The following B3GALNT2 variants were observed in gnomAD, a reference collection of about 807,000 sequenced individuals.
The protein encoded by B3GALNT2 is beta-1,3-N-acetylgalactosaminyltransferase 2.
A neutral mutation model predicts 61.1 loss-of-function variants in B3GALNT2; 53 were observed. That is an observed-to-expected ratio of 0.87 (90% CI 0.70 to 1.09). B3GALNT2 has a LOEUF of 1.09. B3GALNT2 is among the 50% of genes least tolerant of loss of function. B3GALNT2 has a pLI of 0.00. For missense variants in B3GALNT2, 544 were observed against 623.0 expected, an observed-to-expected ratio of 0.87 and a Z score of 1.35; for synonymous variants, 223 against 237.4, an observed-to-expected ratio of 0.94 and a Z score of 0.56.
Position 235,471,063 on chromosome 1 carries a change from G to A in B3GALNT2, c.652-103C>T, listed in dbSNP as rs890456969. 3.6e-5 allele frequency: 55 copies of A among 1,524,988 alleles called. 2 individuals are homozygous for A. The South Asian group carries it at 4.4e-4, about 12-fold the overall frequency. 94.5% of individuals were successfully genotyped at this position (1,524,988 alleles called of 1,614,324 possible). A position where few individuals can be genotyped will look rare whatever the true frequency, so the allele number is the denominator to read the frequency against. On this transcript the variant is annotated intron_variant, in intron 5 of 11. Coordinates refer to ENST00000366600, the MANE Select transcript of B3GALNT2 (RefSeq NM_152490.5). ...TTTTAGAGAAAATTTTTCCCAAAAC[G>A]TATCATTTAAAATTTTCACCCCATA...
At chr1:235,497,093 T>A (rs1225283690) in intron 1 of B3GALNT2, among the ~76,000 whole-genome samples, 1 of 152,228 alleles carries the variant, frequency 6.6e-6, no homozygotes, top group East Asian at 1.9e-4. Flanking sequence ...CAATTTTTTT[T>A]AACTCATAGC....
the B3GALNT2 span, chr1:235,441,791 A>G: frequency 6.8e-6 from 11 of 1,610,470 alleles, no homozygotes; most frequent in South Asian, 1.1e-4. Flanking sequence ...TTTATCATTC[A>G]TCTCTTTTGC....
At chr1:235,457,825 C>T (rs1275753410) in intron 8 of B3GALNT2, among the ~76,000 whole-genome samples, 1 of 151,978 alleles carries the variant, frequency 6.6e-6, no homozygotes, top group African/African-American at 2.4e-5. Context: ...TGGACCATTC[C>T]CAAACTCACT....
intron 9 of B3GALNT2, 51 bp downstream of exon 9, chr1:235,455,508 T>C (rs1241581381): frequency 4.5e-6 from 7 of 1,560,596 alleles, no homozygotes; most frequent in Non-Finnish European, 6.1e-6. Flanking sequence ...CTTTATTAAT[T>C]ACATTTGATC....
intron 1 of B3GALNT2, among the ~76,000 whole-genome samples, chr1:235,497,101 A>G (rs1476898080): frequency 6.6e-6 from 1 of 152,208 alleles, no homozygotes; most frequent in African/African-American, 2.4e-5. Flanking sequence ...TTTAACTCAT[A>G]GCTCAGAACA....
chr1:235,465,391 G>A (rs1276064234), intron 7 of B3GALNT2: 2 of 441,830 alleles, frequency 4.5e-6, no homozygotes, highest in Non-Finnish European at 3.9e-6. Context: ...GTTGTTAGGG[G>A]GTGGGGGGTT....
At chr1:235,484,620 G>C (rs996242570) in intron 3 of B3GALNT2, 105 bp from the exon 4 acceptor site, 3 of 1,399,414 alleles carry the variant, frequency 2.1e-6, no homozygotes, top group Non-Finnish European at 2.8e-6. Flanking sequence ...GTAATCATTT[G>C]CTATATAATT....
At chr1:235,442,637 A>G (rs1681971484), downstream of B3GALNT2, among the ~76,000 whole-genome samples, 1 of 152,218 alleles carries the variant, frequency 6.6e-6, no homozygotes, top group Non-Finnish European at 1.5e-5. Context: ...TAAGGAAAGA[A>G]GTACTAAGTG....
Position 235,450,241 on chromosome 1 carries a change from G to T in B3GALNT2, c.1468C>A (p.Arg490=), listed in dbSNP as rs751445150. 20 of 1,613,966 alleles carry T rather than the reference G, an allele frequency of 1.2e-5. No homozygotes were observed. The highest frequency in any genetic ancestry group is 1.7e-5 in the Non-Finnish European group (20 of 1,180,012). The change falls in exon 12 of 12, where the codon CGG becomes AGG. Residue 490 remains arginine, a synonymous_variant. Coordinates refer to ENST00000366600, the MANE Select transcript of B3GALNT2 (RefSeq NM_152490.5). ...TGACATCGACAAGGATCACCGCACC[G>T]TTCCTTCAGTTTCCACAGTTCCGTC... is the stretch of plus-strand genomic sequence containing the variant. ...ELTELWKLKE[R]CGDPCRCQAR
intron 9 of B3GALNT2, among the ~76,000 whole-genome samples, chr1:235,454,573 G>T (rs767020540): frequency 6.6e-6 from 1 of 151,880 alleles, no homozygotes; most frequent in Non-Finnish European, 1.5e-5. Context: ...CGAGTAGCTG[G>T]GATTACAGGC....
rs751316566 is a variant in B3GALNT2, at chr1:235,458,796, A to C, written c.842-10T>G. On this transcript the variant is annotated splice_polypyrimidine_tract_variant and intron_variant, in intron 7 of 11. Transcript: ENST00000366600. Reference sequence around the variant, plus strand: ...AAGAGAGCATCACCTTCTATAAAGGAAAAGTTGAGAGTTGGAGAAAAATGC... The same window carrying C: ...AAGAGAGCATCACCTTCTATAAAGGCAAAGTTGAGAGTTGGAGAAAAATGC... 2 of 1,567,864 alleles carry C rather than the reference A, an allele frequency of 1.3e-6. No individual in the cohort carries two copies. Among genetic ancestry groups the C allele is most frequent in the Non-Finnish European group, 1.7e-6 (2 of 1,159,670 alleles).
chr1:235,466,215 T>C (rs1427656808), intron 6 of B3GALNT2, among the ~76,000 whole-genome samples: 1 of 146,358 alleles, frequency 6.8e-6, no homozygotes, highest in Admixed American at 6.9e-5. Flanking sequence ...AATTTTTTTT[T>C]AATTTTTAAT....
downstream of B3GALNT2, chr1:235,442,922 C>T (rs759698442): frequency 2.5e-6 from 4 of 1,613,910 alleles, no homozygotes; most frequent in Non-Finnish European, 3.4e-6. Context: ...GTAAGAAGAA[C>T]CAGCCTGTCT....
chr1:235,448,548 T>TC lies in B3GALNT2; in HGVS notation c.*1657dup. On this transcript the variant is annotated 3_prime_UTR_variant, in exon 12 of 12. Coordinates refer to ENST00000366600, the MANE Select transcript of B3GALNT2 (RefSeq NM_152490.5). ...TTTGATTCTAAATGGAGACCATGGG[T>TC]CTGTTTGTTTGATTTTAAGGGTAAG... 2 of 1,385,914 alleles carry TC rather than the reference T, an allele frequency of 1.4e-6. No individual in the cohort carries two copies. 85.9% of individuals were successfully genotyped at this position (1,385,914 alleles called of 1,614,324 possible).
In B3GALNT2 at chr1:235,477,556, T is replaced by C. The variant is rs181927638; in HGVS notation, c.651+2498A>G. Among the ~76,000 whole-genome samples, 198 of 149,692 alleles carry C rather than the reference T, an allele frequency of 1.3e-3. 2 individuals are homozygous for C. The highest frequency in any genetic ancestry group is 4.5e-3 in the African/African-American group (184 of 40,596). ...TGCTGCACCCCATGTGACTTTCTTT[T>C]GGAATACAGTTTCTCAACCTCAGCA... On this transcript the variant is annotated intron_variant, in intron 5 of 11. Coordinates refer to ENST00000366600, the MANE Select transcript of B3GALNT2 (RefSeq NM_152490.5).
intron 6 of B3GALNT2, among the ~76,000 whole-genome samples, chr1:235,470,140 C>A (rs1452427114): frequency 6.6e-6 from 1 of 152,112 alleles, no homozygotes; most frequent in East Asian, 1.9e-4. Flanking sequence ...CTCAAGTGAT[C>A]CACCTGCCTC....
chr1:235,466,610 CT>C (rs1233783098), intron 6 of B3GALNT2, among the ~76,000 whole-genome samples: 1 of 152,210 alleles, frequency 6.6e-6, no homozygotes, highest in East Asian at 1.9e-4. Context: ...CCGCCTCGGT[CT>C]CCCAAAGTGC....
chr1:235,489,328 CCTCATG>C (rs1337759582), intron 2 of B3GALNT2, 60 bp from the exon 3 acceptor site: 2 of 1,597,876 alleles, frequency 1.3e-6, no homozygotes, highest in Non-Finnish European at 1.7e-6. Flanking sequence ...ATGCACGTTT[CCTCATG>C]CCCATTTCAG....
At chr1:235,481,250 CT>C (rs1396320541) in intron 4 of B3GALNT2, among the ~76,000 whole-genome samples, 1 of 152,144 alleles carries the variant, frequency 6.6e-6, no homozygotes, top group Non-Finnish European at 1.5e-5. Flanking sequence ...TAACTCCTCC[CT>C]GGTTAAAAAT....
Sources: allele counts gnomAD v4.1 joint callset (sites outside exome capture counted in the v4.1 genomes callset), GRCh38; gene constraint gnomAD v4.1.1; transcripts MANE v1.5; gene names NCBI Gene and HGNC (gene_info 2026-07-23, HGNC 2026-07-21).